Variants in CYP51A1 observed in about 807,000 individuals in gnomAD.
CYP51A1 encodes the protein lanosterol 14-alpha demethylase.
CYP51A1 carries 45 observed loss-of-function variants against 53.5 expected under a neutral mutation model. The ratio of observed to expected loss-of-function variants is 0.84; its 90% CI spans 0.66 to 1.08. The LOEUF (loss-of-function observed/expected upper bound fraction) is 1.08, where lower values mean the gene tolerates loss of function less well. Among genes scored for constraint, CYP51A1 ranks in the 50% least tolerant of loss-of-function variants. The pLI, the probability that CYP51A1 is intolerant of heterozygous loss-of-function variation, is 0.00. For missense variants in CYP51A1, 462 were observed against 621.7 expected (o/e 0.74, Z 2.73); for synonymous variants, 181 against 217.7 (o/e 0.83, Z 1.48).
In CYP51A1 at chr7:92,126,250, T is replaced by C. The variant is rs767020775; in HGVS notation, c.770+3A>G. The stretch of plus-strand genomic sequence containing the variant: ...CCTAGTGTAATATATTCTTTATCCA[T>C]ACCTGAAACTAGGCAAAGGCAGCCA... On this transcript the variant is annotated splice_donor_region_variant and intron_variant, in intron 5 of 9. Coordinates refer to ENST00000003100, the MANE Select transcript of CYP51A1 (RefSeq NM_000786.4). 4.5e-5 allele frequency: 71 copies of C among 1,595,284 alleles called. 1 individual carries two copies. The highest frequency in any genetic ancestry group is 5.7e-5 in the South Asian group (5 of 87,542).
intron 8 of CYP51A1, among the ~76,000 whole-genome samples, chr7:92,117,916 AG>A (rs1356881786): frequency 3.3e-5 from 5 of 149,870 alleles, no homozygotes; most frequent in African/African-American, 1.2e-4. Context: ...TGAACCCGGG[AG>A]GCGGAGGTTG....
At chr7:92,131,723 C>A in intron 2 of CYP51A1, 51 bp downstream of exon 2, 3 of 990,964 alleles carry the variant, frequency 3.0e-6, no homozygotes, top group South Asian at 1.5e-5. Context: ...GTTTAAAAAG[C>A]ACTTCTCTAG....
rs760669078 is a variant in CYP51A1 at position 92,118,561 on chromosome 7, G to T, written c.1141C>A (p.Pro381Thr). 1.6e-5 allele frequency: 26 copies of T among 1,600,928 alleles called. No individual in the cohort carries two copies. The highest frequency in any genetic ancestry group is 2.1e-5 in the Non-Finnish European group (24 of 1,169,020). The part of the protein sequence containing the change: ...RCIKETLRLR[P>T]PIMIMMRMAR... ...ATTCTCATCATGATCATTATAGGAG[G>T]TCTAAGTCTTAATGTTTCTTTTATA... The change falls in exon 8 of 10, where the codon CCT (proline) becomes ACT (threonine). Residue 381 changes from proline (P) to threonine (T), a missense_variant. Pro to Thr is a conservative substitution (Grantham distance 38, BLOSUM62 -1). Coordinates refer to ENST00000003100, the MANE Select transcript of CYP51A1 (RefSeq NM_000786.4).
intron 3 of CYP51A1, among the ~76,000 whole-genome samples, chr7:92,128,428 C>CTCTCTGTG (rs112952169): frequency 7.0e-6 from 1 of 143,044 alleles, no homozygotes; most frequent in Admixed American, 7.0e-5. Context: ...TGGTTGGTTT[C>CTCTCTGTG]TGTGTGTGTG....
At position 92,134,229 on chromosome 7, in the gene CYP51A1, G is replaced by C; in HGVS notation, c.136C>G (p.Leu46Val). ...LLIACAFTLSLVYLIRLAAGH... is the reference protein window; with the variant it reads ...LLIACAFTLSVVYLIRLAAGH... ...GCGGCCAGACGGATCAGGTAGACCA[G>C]GCTGAGGGTGAAGGCGCAGGCGATC... The change falls in exon 1 of 10, where the codon CTG (leucine) becomes GTG (valine). Residue 46 changes from leucine (L) to valine (V), a missense_variant. By Grantham distance (32) the Leu-to-Val change is conservative. Transcript: ENST00000003100. 6.2e-7 allele frequency: 1 copy of C among 1,613,428 alleles called. No homozygotes were observed. Among genetic ancestry groups the C allele is most frequent in the Non-Finnish European group, 8.5e-7 (1 of 1,179,766 alleles).
At position 92,117,230 on chromosome 7, in the gene CYP51A1, A is replaced by T. The variant is rs762640593; in HGVS notation, c.1183-18T>A. 3 of 1,600,978 alleles carry T rather than the reference A, an allele frequency of 1.9e-6. No individual in the cohort carries two copies. The highest frequency in any genetic ancestry group is 2.6e-6 in the Non-Finnish European group (3 of 1,173,544). ...GCCACAGTCTATAAACAAAAGCCAC[A>T]CATTTCATTAGAGAATTTAAAAATG... is the stretch of plus-strand genomic sequence containing the variant. On this transcript the variant is annotated intron_variant, in intron 8 of 9. Transcript: ENST00000003100.
chr7:92,123,003 G>C (rs1216644304), intron 7 of CYP51A1, 117 bp downstream of exon 7: 4 of 732,956 alleles, frequency 5.5e-6, no homozygotes, highest in African/African-American at 5.4e-5. Context: ...GCTAAAAATA[G>C]AGAAGCTGAT....
chr7:92,125,228 A>G (rs899432042), intron 5 of CYP51A1, among the ~76,000 whole-genome samples: 14 of 152,058 alleles, frequency 9.2e-5, no homozygotes, highest in Non-Finnish European at 2.9e-5. Flanking sequence ...CTAATATAAG[A>G]TATATGAAAA....
Position 92,134,438 on chromosome 7 carries a change from G to A in CYP51A1, c.-74C>T, listed in dbSNP as rs184314514. The A allele has an allele frequency of 1.6e-4, 234 of 1,444,738 alleles. 1 individual carries two copies. In the African/African-American group the frequency reaches 3.1e-3, roughly 19 times the overall value. 89.5% of individuals were successfully genotyped at this position (1,444,738 alleles called of 1,614,324 possible). ...ATCGACGGAACGAGAGAAGCTGGCA[G>A]ATGGTCGTCCACAGGGGGCCTTGCC... is the stretch of plus-strand genomic sequence containing the variant. On this transcript the variant is annotated 5_prime_UTR_variant, in exon 1 of 10. Coordinates refer to ENST00000003100, the MANE Select transcript of CYP51A1 (RefSeq NM_000786.4).
At chr7:92,129,595 T>C (rs537315180) in intron 2 of CYP51A1, among the ~76,000 whole-genome samples, 1 of 152,318 alleles carries the variant, frequency 6.6e-6, no homozygotes, top group African/African-American at 2.4e-5. Flanking sequence ...TTATATTAAT[T>C]TGGTTAGATG....
intron 4 of CYP51A1, 63 bp downstream of exon 4, chr7:92,127,442 A>T (rs1254448193): frequency 1.3e-6 from 2 of 1,486,264 alleles, no homozygotes; most frequent in Non-Finnish European, 1.8e-6. Context: ...ACACATATAT[A>T]CTCTACTTTT....
chr7:92,134,560 C>G (rs1563183610), upstream of CYP51A1: 1 of 592,804 alleles, frequency 1.7e-6, no homozygotes, highest in African/African-American at 1.9e-5. Context: ...GGCCACGCCC[C>G]TTAAATAACA....
At chr7:92,131,734 TTG>T in intron 2 of CYP51A1, 38 bp downstream of exon 2, 5 of 1,107,428 alleles carry the variant, frequency 4.5e-6, no homozygotes, top group Middle Eastern at 2.5e-4. Context: ...ACTTCTCTAG[TTG>T]TTTTTTTTTT....
intron 3 of CYP51A1, among the ~76,000 whole-genome samples, chr7:92,128,426 T>TTC (rs1554479143): frequency 0.31 from 37,296 of 118,756 alleles, 5,695 homozygotes; most frequent in Non-Finnish European, 0.36. Flanking sequence ...TTTGGTTGGT[T>TTC]TCTGTGTGTG....
At chr7:92,119,703 C>CA (rs916903098) in intron 7 of CYP51A1, among the ~76,000 whole-genome samples, 1 of 151,844 alleles carries the variant, frequency 6.6e-6, no homozygotes, top group African/African-American at 2.4e-5. Flanking sequence ...CAGTTTTCAA[C>CA]AAAAAAATTA....
intron 5 of CYP51A1, among the ~76,000 whole-genome samples, 164 bp downstream of exon 5, chr7:92,126,089 A>T (rs1464375529): frequency 6.6e-6 from 1 of 152,258 alleles, no homozygotes; most frequent in Non-Finnish European, 1.5e-5. Context: ...CATTATATAA[A>T]GAAAATTTGT....
Position 92,115,477 on chromosome 7 carries a change from GT to G in CYP51A1, c.1351+1566del, listed in dbSNP as rs533180026. On this transcript the variant is annotated intron_variant, in intron 9 of 9. Coordinates refer to ENST00000003100, the MANE Select transcript of CYP51A1 (RefSeq NM_000786.4). ...GGAACAATGTAGTTACAAGCCAAGG[GT>G]TGCCAAGAGCCACCAGAAGCTAGGA... Among the ~76,000 whole-genome samples the G allele has an allele frequency of 5.3e-5, 8 of 152,250 alleles. No homozygotes were observed. In the South Asian group the frequency reaches 1.7e-3, roughly 32 times the overall value.
At chr7:92,121,872 A>G (rs1819699814) in intron 7 of CYP51A1, among the ~76,000 whole-genome samples, 2 of 152,218 alleles carry the variant, frequency 1.3e-5, no homozygotes. Flanking sequence ...AGTGATGTAA[A>G]TGTTCTAAAA....
chr7:92,134,351 G>A lies in CYP51A1; in HGVS notation c.14C>T (p.Ala5Val). ...CAGCAAGCCCAGCAGCAGCATCCCA[G>A]CCGCCGCCGCCATTCACTCCGTCGG... MAAA[A>V]GMLLLGLLQA... is the part of the protein sequence containing the mutation. Residue 5 changes from alanine to valine, a missense_variant, in exon 1 of 10, where the codon GCT becomes GTT. Ala to Val is a moderately conservative substitution (Grantham distance 64). Transcript: ENST00000003100. 1 of 1,578,050 alleles carries A rather than the reference G, an allele frequency of 6.3e-7. No homozygotes were observed. Among genetic ancestry groups the A allele is most frequent in the Non-Finnish European group, 8.6e-7 (1 of 1,158,910 alleles).
Sources: gnomAD v4.1 joint callset for allele counts (sites outside exome capture counted in the v4.1 genomes callset) on GRCh38, gnomAD v4.1.1 for gene constraint, MANE v1.5 for transcripts, NCBI Gene and HGNC (gene_info 2026-07-23, HGNC 2026-07-21) for gene names.